Variants in KANK3 observed in about 807,000 individuals in gnomAD.
KANK3 encodes the protein KN motif and ankyrin repeat domains 3.
Under a neutral mutation model 65.4 loss-of-function variants are expected in KANK3, and 61 were observed. The ratio of observed to expected loss-of-function variants is 0.93; its 90% CI spans 0.76 to 1.15. KANK3 has a LOEUF of 1.15. Among genes scored for constraint, KANK3 ranks in the 50% most tolerant of loss-of-function variants. The pLI is 0.00. For missense variants in KANK3, 1,187 were observed against 1,178.8 expected (o/e 1.01, Z -0.10); for synonymous variants, 586 against 543.3 (o/e 1.08, Z -1.09).
chr19:8,334,776 C>A lies in KANK3; in HGVS notation c.1051G>T (p.Ala351Ser), dbSNP rs1057125991. 8.7e-6 allele frequency: 13 copies of A among 1,499,358 alleles called. No homozygotes were observed. In the South Asian group the frequency reaches 1.4e-4, roughly 16 times the overall value. 92.9% of individuals were successfully genotyped at this position (1,499,358 alleles called of 1,614,324 possible). A position where few individuals can be genotyped will look rare whatever the true frequency, so the allele number is the denominator to read the frequency against. Residue 351 changes from alanine to serine, a missense_variant, in exon 3 of 11, where the codon GCC (alanine) becomes TCC (serine). This residue lies in a region of KANK3 where 1,078 missense variants were observed against 1,038.2 expected (regional missense o/e 1.04). Transcript: ENST00000330915. The part of the protein sequence containing the change: ...TEALLGLPAA[A>S]ERELELLRAS... ...CGCAGCAGCTCTAGCTCGCGCTCGG[C>A]GGCCGCAGGCAGCCCCAGCAGCGCC...
At position 8,324,661 on chromosome 19, in the gene KANK3, T is replaced by G; in HGVS notation, c.2252A>C (p.Gln751Pro). 3.7e-6 allele frequency: 6 copies of G among 1,614,024 alleles called. No individual in the cohort carries two copies. The highest frequency in any genetic ancestry group is 5.1e-6 in the Non-Finnish European group (6 of 1,180,016). The part of the protein sequence containing the change: ...RLDTVRLLLT[Q>P]PGCDPAILDN... ...CAGGATGGCAGGGTCACAGCCTGGC[T>G]GGGTGAGCAGCAGCCGCACGGTGTC... Residue 751 changes from glutamine to proline, a missense_variant, in exon 9 of 11, where the codon CAG becomes CCG. Coordinates refer to ENST00000330915, the MANE Select transcript of KANK3 (RefSeq NM_198471.3).
At chr19:8,326,044 C>T (rs1248003864) in intron 7 of KANK3, among the ~76,000 whole-genome samples, 2 of 152,012 alleles carry the variant, frequency 1.3e-5, no homozygotes, top group Non-Finnish European at 2.9e-5. Context: ...AGGCTGGTCT[C>T]GAACTCCGAC....
In KANK3 at chr19:8,333,147, C is replaced by CA; in HGVS notation, c.1802dup (p.Glu602GlyfsTer86). ...CGGGTCCCAGGCGCCTCACCCCTTCCAGCATCCTGGCCACGGGCTCCGCCT... is the reference window on the plus strand; with the variant it reads ...CGGGTCCCAGGCGCCTCACCCCTTCCAAGCATCCTGGCCACGGGCTCCGCCT... On this transcript the variant is annotated frameshift_variant, in exon 7 of 11. Transcript: ENST00000330915. LOFTEE classifies it high-confidence loss of function. The surrounding 1 kb of genome is among the most constrained non-coding windows in gnomAD (Gnocchi z 5.0). 1 of 1,613,080 alleles carries CA rather than the reference C, an allele frequency of 6.2e-7. No homozygotes were observed. Among genetic ancestry groups the CA allele is most frequent in the Non-Finnish European group, 8.5e-7 (1 of 1,179,944 alleles).
chr19:8,338,860 C>A (rs924081717), intron 1 of KANK3, among the ~76,000 whole-genome samples: 1 of 112,432 alleles, frequency 8.9e-6, no homozygotes, highest in African/African-American at 3.6e-5. Context: ...GGCAACAGAG[C>A]GAGATTCCGT....
rs541098162 is a variant in KANK3, at chr19:8,327,787, G to A, written c.1937-2691C>T. Among the ~76,000 whole-genome samples, 4 of 152,276 alleles carry A rather than the reference G, an allele frequency of 2.6e-5. No individual in the cohort carries two copies. In the East Asian group the frequency reaches 5.8e-4, roughly 22 times the overall value. On this transcript the variant is annotated intron_variant, in intron 7 of 10. Transcript: ENST00000330915. Reference sequence around the variant, plus strand: ...CAAAGCTGTCTGTAAAAAGGGGTTGGGGGGACGTTCCCTGTTTGGGTGGCA... The same window carrying A: ...CAAAGCTGTCTGTAAAAAGGGGTTGAGGGGACGTTCCCTGTTTGGGTGGCA...
rs759022240 is a variant in KANK3, at chr19:8,324,467, C to G, written c.2364G>C (p.Ser788=). ...VAALLHAHLS[S]GQPDTQSESP... ...TGCTCACCTGGGTGTCGGGCTGGCC[C>G]GAGCTCAGGTGGGCATGTAGCAGAG... The change falls in exon 10 of 11, where the codon TCG becomes TCC. Residue 788 remains serine, a synonymous_variant. Coordinates refer to ENST00000330915, the MANE Select transcript of KANK3 (RefSeq NM_198471.3). 2 of 1,607,350 alleles carry G rather than the reference C, an allele frequency of 1.2e-6. No individual in the cohort carries two copies. The highest frequency in any genetic ancestry group is 1.3e-5 in the African/African-American group (1 of 74,846).
rs201470304 is a variant in KANK3 at position 8,324,732 on chromosome 19, C to G, written c.2181G>C (p.Ala727=). The G allele has an allele frequency of 2.5e-5, 41 of 1,614,042 alleles. 1 individual carries two copies. Among genetic ancestry groups the G allele is most frequent in the Middle Eastern group, 3.3e-4 (2 of 6,062 alleles). ...ACGADVNAQD[A]DGATALMCAS... is the part of the protein sequence containing the mutation. ...CACACATCAGCGCTGTGGCCCCATC[C>G]GCATCCTGCGCATTCACATCAGCCC... The change falls in exon 9 of 11, where the codon GCG becomes GCC. Residue 727 remains alanine (A), a synonymous_variant. Coordinates refer to ENST00000330915, the MANE Select transcript of KANK3 (RefSeq NM_198471.3).
chr19:8,342,532 T>G (rs1970734234), intron 1 of KANK3, among the ~76,000 whole-genome samples: 1 of 152,086 alleles, frequency 6.6e-6, no homozygotes, highest in African/African-American at 2.4e-5. Flanking sequence ...GGGACTATTT[T>G]GGGACGCAGA....
rs1970512090 is a variant in KANK3 at position 8,330,918 on chromosome 19, C to T, written c.1936+2096G>A. ...GATCTGTTCGAAAAAACAAACAAGG[C>T]CGGGCAAAGCGGCTAATGCTTGTAA... On this transcript the variant is annotated intron_variant, in intron 7 of 10. Transcript: ENST00000330915. Among the ~76,000 whole-genome samples, 3 of 150,440 alleles carry T rather than the reference C, an allele frequency of 2.0e-5. No individual in the cohort carries two copies. In the Admixed American group the frequency reaches 2.0e-4, roughly 10 times the overall value.
At chr19:8,339,963 CAAAAA>C (rs59020478) in intron 1 of KANK3, among the ~76,000 whole-genome samples, 11 of 95,772 alleles carry the variant, frequency 1.1e-4, no homozygotes, top group Admixed American at 3.3e-4. Flanking sequence ...GACCTTGTCT[CAAAAA>C]AAAAAAAAAA....
At chr19:8,328,174 A>G (rs1185714683) in intron 7 of KANK3, among the ~76,000 whole-genome samples, 1 of 152,056 alleles carries the variant, frequency 6.6e-6, no homozygotes, top group Non-Finnish European at 1.5e-5. Flanking sequence ...GCTACTTGGG[A>G]GACTGAGGAG....
intron 7 of KANK3, among the ~76,000 whole-genome samples, chr19:8,327,304 C>G (rs564065225): frequency 6.6e-6 from 1 of 151,606 alleles, no homozygotes; most frequent in East Asian, 1.9e-4. Context: ...GAGTCTGAGG[C>G]CAGCCTGAGC....
At position 8,324,712 on chromosome 19, in the gene KANK3, A is replaced by G. The variant is rs1970389462; in HGVS notation, c.2201T>C (p.Met734Thr). 2 of 1,614,044 alleles carry G rather than the reference A, an allele frequency of 1.2e-6. No individual in the cohort carries two copies. The highest frequency in any genetic ancestry group is 1.1e-5 in the South Asian group (1 of 91,092). Residue 734 changes from methionine to threonine, a missense_variant, in exon 9 of 11, where the codon ATG becomes ACG. Physicochemically the swap from Met to Thr is moderately conservative, Grantham distance 81 (BLOSUM62 -1). Transcript: ENST00000330915. ...CAGGCGCCCATACTCACTGGCACACATCAGCGCTGTGGCCCCATCCGCATC... is the reference window on the plus strand; with the variant it reads ...CAGGCGCCCATACTCACTGGCACACGTCAGCGCTGTGGCCCCATCCGCATC... ...AQDADGATAL[M>T]CASEYGRLDT...
chr19:8,341,242 T>TTA (rs1555684795), intron 1 of KANK3, among the ~76,000 whole-genome samples: 22 of 147,278 alleles, frequency 1.5e-4, no homozygotes, highest in African/African-American at 4.3e-4. Context: ...TTTTTTTTTT[T>TTA]AGAGGCAATG....
In KANK3 at chr19:8,331,502, AG is replaced by A. The variant is rs527992038; in HGVS notation, c.1936+1511del. 2.4e-3 allele frequency among the ~76,000 whole-genome samples: 368 copies of A among 152,314 alleles called. 1 individual carries two copies. Among genetic ancestry groups the A allele is most frequent in the Non-Finnish European group, 4.1e-3 (276 of 68,034 alleles). Reference sequence around the variant, plus strand: ...GTGGGACCCGCCTCAACCTGCAGTTAGTACCAGAGGTGCCCAAAGGCTGACT... The same window carrying A: ...GTGGGACCCGCCTCAACCTGCAGTTATACCAGAGGTGCCCAAAGGCTGACT... On this transcript the variant is annotated intron_variant, in intron 7 of 10. Coordinates refer to ENST00000330915, the MANE Select transcript of KANK3 (RefSeq NM_198471.3).
chr19:8,337,422 T>C (rs985422004), intron 2 of KANK3, among the ~76,000 whole-genome samples: 7 of 152,176 alleles, frequency 4.6e-5, no homozygotes, highest in African/African-American at 1.4e-4. Flanking sequence ...AGGATGGTCT[T>C]GACCTCCTGA....
rs894658599 is a variant in KANK3 at position 8,322,635 on chromosome 19, G to A, written c.*204C>T. ...AGTTTCAGAGAGTGGGTGGATCAGG[G>A]CTCTATCACTTGGTCCCCACCTCAC... On this transcript the variant is annotated 3_prime_UTR_variant, in exon 11 of 11. Coordinates refer to ENST00000330915, the MANE Select transcript of KANK3 (RefSeq NM_198471.3). 2.5e-4 allele frequency: 146 copies of A among 594,314 alleles called. No homozygotes were observed. Among genetic ancestry groups the A allele is most frequent in the Middle Eastern group, 4.4e-4 (1 of 2,266 alleles). The allele number at this position is 594,314 out of a possible 1,614,324, so 36.8% of individuals were successfully genotyped here. A position where few individuals can be genotyped will look rare whatever the true frequency, so the allele number is the denominator to read the frequency against.
chr19:8,332,985 T>TTTTG (rs2145427153), intron 7 of KANK3, 29 bp downstream of exon 7: 9 of 585,688 alleles, frequency 1.5e-5, no homozygotes, highest in East Asian at 3.5e-5. Flanking sequence ...CATTTCCTGG[T>TTTTG]GTCCCACCCA....
rs377518829 is a variant in KANK3 at position 8,333,133 on chromosome 19, C to T, written c.1817G>A (p.Arg606His). Residue 606 changes from arginine (R) to histidine (H), a missense_variant, in exon 7 of 11, where the codon CGC becomes CAC. By Grantham distance (29) the Arg-to-His change is conservative (BLOSUM62 0). This residue lies in a region of KANK3 where 1,078 missense variants were observed against 1,038.2 expected (regional missense o/e 1.04). Transcript: ENST00000330915. The surrounding 1 kb of genome is among the most constrained non-coding windows in gnomAD (Gnocchi z 5.0). ...GTGCGCCAGCAGTTCGGGTCCCAGG[C>T]GCCTCACCCCTTCCAGCATCCTGGC... ...PVARMLEGVR[R>H]LGPELLAHVV... 6.5e-5 allele frequency: 105 copies of T among 1,612,940 alleles called. No individual in the cohort carries two copies. Among genetic ancestry groups the T allele is most frequent in the Non-Finnish European group, 7.8e-5 (92 of 1,179,910 alleles).
Sources: allele counts gnomAD v4.1 joint callset (sites outside exome capture counted in the v4.1 genomes callset), GRCh38; gene constraint gnomAD v4.1.1; regional missense constraint gnomAD v4.1.1; non-coding constraint Gnocchi (gnomAD v3.1); transcripts MANE v1.5; gene names NCBI Gene and HGNC (gene_info 2026-07-23, HGNC 2026-07-21).